FNDC3A: variants seen among roughly 807,000 people sequenced by gnomAD.
FNDC3A encodes fibronectin type-III domain-containing protein 3A.
In FNDC3A, 32 loss-of-function variants were observed where a neutral mutation model predicts 148.9. The ratio of observed to expected loss-of-function variants is 0.21; its 90% CI spans 0.16 to 0.29. The LOEUF (loss-of-function observed/expected upper bound fraction) is 0.29, where lower values mean the gene tolerates loss of function less well. Among genes scored for constraint, FNDC3A ranks in the 10% least tolerant of loss-of-function variants. The pLI, the probability that FNDC3A is intolerant of heterozygous loss-of-function variation, is 1.00. For synonymous variants in FNDC3A, 472 were observed against 473.6 expected (o/e 1.00, Z 0.04); for missense variants, 1,191 against 1,452.8 (o/e 0.82, Z 2.93).
chr13:49,069,177 A>G (rs1157924768), intron 2 of FNDC3A, among the ~76,000 whole-genome samples: 2 of 152,222 alleles, frequency 1.3e-5, no homozygotes, highest in Non-Finnish European at 2.9e-5. Context: ...AACTGAAAAG[A>G]TTAGAAAAAA....
rs542700884 is a variant in FNDC3A, at chr13:49,122,479, G to A, written c.252+7748G>A. Among the ~76,000 whole-genome samples, 7 of 152,250 alleles carry A rather than the reference G, an allele frequency of 4.6e-5. No individual in the cohort carries two copies. In the South Asian group the frequency reaches 1.4e-3, roughly 32 times the overall value. On this transcript the variant is annotated intron_variant, in intron 4 of 25. Transcript: ENST00000492622. ...TCTCTCACCATTCCTACTCAACATA[G>A]TATTGGGAGTTCTGGCCAGGCAGTC... is the stretch of plus-strand genomic sequence containing the variant.
chr13:49,139,115 A>C (rs1882548306), intron 7 of FNDC3A, among the ~76,000 whole-genome samples: 1 of 152,202 alleles, frequency 6.6e-6, no homozygotes, highest in African/African-American at 2.4e-5. Flanking sequence ...CTATTATAGA[A>C]ATAGGAATGA....
chr13:49,136,253 AT>A (rs1882349026), intron 5 of FNDC3A, 78 bp from the exon 6 acceptor site: 3 of 1,229,432 alleles, frequency 2.4e-6, no homozygotes, highest in Admixed American at 2.5e-5. Context: ...TGATAGATTT[AT>A]TTTCTGTTCT....
chr13:49,027,855 CTTATCA>C (rs1189914807), intron 2 of FNDC3A, among the ~76,000 whole-genome samples: 1 of 152,050 alleles, frequency 6.6e-6, no homozygotes, highest in Non-Finnish European at 1.5e-5. Context: ...CAAATCCTAC[CTTATCA>C]TTAAGTGCAT....
chr13:49,153,223 A>G (rs1883430918), intron 8 of FNDC3A, among the ~76,000 whole-genome samples: 1 of 150,864 alleles, frequency 6.6e-6, no homozygotes, highest in Non-Finnish European at 1.5e-5. Flanking sequence ...AACTGGTGTG[A>G]GATGGTATCT....
chr13:49,066,104 A>G (rs756567891), intron 2 of FNDC3A, among the ~76,000 whole-genome samples: 1 of 152,168 alleles, frequency 6.6e-6, no homozygotes, highest in Non-Finnish European at 1.5e-5. Flanking sequence ...CCAGAGTTCT[A>G]TTAGTTCAAT....
intron 10 of FNDC3A, among the ~76,000 whole-genome samples, chr13:49,170,213 A>G (rs1216856993): frequency 6.6e-6 from 1 of 152,172 alleles, no homozygotes; most frequent in Non-Finnish European, 1.5e-5. Context: ...TGTCACTGTT[A>G]TTGGAGGATA....
chr13:49,039,015 A>T (rs1874718055), intron 2 of FNDC3A, among the ~76,000 whole-genome samples: 1 of 152,152 alleles, frequency 6.6e-6, no homozygotes, highest in African/African-American at 2.4e-5. Flanking sequence ...CAATTCTAAG[A>T]CATCATCCCT....
chr13:49,017,306 T>TA (rs1872882558), intron 2 of FNDC3A, among the ~76,000 whole-genome samples: 1 of 152,208 alleles, frequency 6.6e-6, no homozygotes, highest in Non-Finnish European at 1.5e-5. Context: ...TGCACATATA[T>TA]TTAGGATAGT....
chr13:48,992,665 AT>A (rs200774967), intron 1 of FNDC3A, among the ~76,000 whole-genome samples: 2 of 152,176 alleles, frequency 1.3e-5, no homozygotes, highest in Non-Finnish European at 2.9e-5. Flanking sequence ...ATGTGTCAAA[AT>A]TTATCAAATT....
chr13:49,178,845 A>G (rs1218805491), intron 14 of FNDC3A, among the ~76,000 whole-genome samples, 191 bp downstream of exon 14: 1 of 151,828 alleles, frequency 6.6e-6, no homozygotes, highest in African/African-American at 2.4e-5. Context: ...TCATCCTCCC[A>G]CCTCAGCTTC....
At chr13:49,203,983 T>G (rs1886534201) in intron 25 of FNDC3A, among the ~76,000 whole-genome samples, 1 of 152,206 alleles carries the variant, frequency 6.6e-6, no homozygotes, top group Non-Finnish European at 1.5e-5. Flanking sequence ...ACCAGGGTAT[T>G]CACGTGATCA....
chr13:49,110,277 G>T (rs1485308656), intron 3 of FNDC3A: 78 of 1,426,712 alleles, frequency 5.5e-5, no homozygotes, highest in Non-Finnish European at 2.8e-5. Flanking sequence ...TCGGTCAAAG[G>T]ATCTTTTCCT....
chr13:49,080,382 A>G (rs1263429891), intron 3 of FNDC3A, among the ~76,000 whole-genome samples: 1 of 151,980 alleles, frequency 6.6e-6, no homozygotes, highest in African/African-American at 2.4e-5. Flanking sequence ...CCCATACCTC[A>G]TTTTTTCCCC....
At chr13:49,175,122 G>T (rs1364181158) in intron 12 of FNDC3A, among the ~76,000 whole-genome samples, 1 of 151,922 alleles carries the variant, frequency 6.6e-6, no homozygotes, top group Non-Finnish European at 1.5e-5. Flanking sequence ...TTTTTTCATT[G>T]ACTCGATAAA....
chr13:49,110,282 TTTCCTC>T, intron 3 of FNDC3A: 2 of 1,472,658 alleles, frequency 1.4e-6, no homozygotes, highest in Non-Finnish European at 9.1e-7. Flanking sequence ...CAAAGGATCT[TTTCCTC>T]TTACAGCCTT....
At chr13:49,018,912 TG>T (rs748453799) in intron 2 of FNDC3A, among the ~76,000 whole-genome samples, 2 of 151,756 alleles carry the variant, frequency 1.3e-5, no homozygotes, top group East Asian at 1.9e-4. Context: ...TTGGGCTGCT[TG>T]GGGGGTCAGG....
At chr13:49,070,888 TTTTTTGTTTTG>T (rs1566230726) in intron 2 of FNDC3A, among the ~76,000 whole-genome samples, 1 of 144,898 alleles carries the variant, frequency 6.9e-6, no homozygotes, top group Non-Finnish European at 1.5e-5. Flanking sequence ...TTTCTTTTTT[TTTTTTGTTTTG>T]TTTTTTTTCT....
intron 2 of FNDC3A, among the ~76,000 whole-genome samples, chr13:49,041,512 A>G (rs1294936255): frequency 1.3e-5 from 2 of 152,188 alleles, no homozygotes; most frequent in Non-Finnish European, 2.9e-5. Context: ...ACGAAAGTTT[A>G]TTGAAAACCT....
Sources: gnomAD v4.1 joint callset for allele counts (sites outside exome capture counted in the v4.1 genomes callset) on GRCh38, gnomAD v4.1.1 for gene constraint, MANE v1.5 for transcripts, NCBI Gene and HGNC (gene_info 2026-07-23, HGNC 2026-07-21) for gene names.